The following SYN2 variants were observed in gnomAD, a reference collection of about 807,000 sequenced individuals.
SYN2 encodes synapsin-2.
Under a neutral mutation model 50.9 loss-of-function variants are expected in SYN2, and 19 were observed. That is an observed-to-expected ratio of 0.37 (90% CI 0.26 to 0.55). SYN2 has a LOEUF of 0.55. SYN2 is among the 20% of genes least tolerant of loss of function. SYN2 has a pLI of 0.81. For synonymous variants in SYN2, 255 were observed against 224.9 expected, an observed-to-expected ratio of 1.13 and a Z score of -1.20; for missense variants, 587 against 576.4, an observed-to-expected ratio of 1.02 and a Z score of -0.19.
chr3:12,151,983 G>A (rs1697310567), intron 5 of SYN2, among the ~76,000 whole-genome samples: 2 of 152,140 alleles, frequency 1.3e-5, no homozygotes, highest in Admixed American at 1.3e-4. Context: ...CAGGGACCTG[G>A]AGCTCAAACT....
chr3:12,117,167 G>T (rs531352451), intron 1 of SYN2, among the ~76,000 whole-genome samples: 1 of 152,240 alleles, frequency 6.6e-6, no homozygotes, highest in African/African-American at 2.4e-5. Flanking sequence ...AGTGCAGTTG[G>T]TTACAACCCC....
intron 1 of SYN2, among the ~76,000 whole-genome samples, chr3:12,064,944 T>C (rs111750391): frequency 3.9e-4 from 60 of 152,276 alleles, no homozygotes; most frequent in African/African-American, 1.4e-3. Context: ...GTTATTCATA[T>C]AGCCAAAAAG....
At chr3:12,050,370 G>A (rs1341038547) in intron 1 of SYN2, among the ~76,000 whole-genome samples, 2 of 137,540 alleles carry the variant, frequency 1.5e-5, no homozygotes, top group East Asian at 2.2e-4. Flanking sequence ...TTTGGAGATA[G>A]AGTTTTGCTC....
At chr3:12,038,412 C>T (rs572058269) in intron 1 of SYN2, among the ~76,000 whole-genome samples, 2 of 151,930 alleles carry the variant, frequency 1.3e-5, no homozygotes, top group South Asian at 4.2e-4. Flanking sequence ...ACTTTGAGTC[C>T]TTTGAATTGC....
At chr3:12,062,131 G>C (rs1441117615) in intron 1 of SYN2, among the ~76,000 whole-genome samples, 1 of 151,980 alleles carries the variant, frequency 6.6e-6, no homozygotes, top group Non-Finnish European at 1.5e-5. Flanking sequence ...TTATTACATT[G>C]TAGTTATCCA....
Position 12,185,430 on chromosome 3 carries a change from G to T in SYN2, c.1370-1939G>T, listed in dbSNP as rs114454499. 3.1e-3 allele frequency: 3,098 copies of T among 985,790 alleles called. 71 individuals carry two copies. In the African/African-American group the frequency reaches 0.05, roughly 16 times the overall value. The allele number at this position is 985,790 out of a possible 1,614,324, so 61.1% of individuals were successfully genotyped here. A position where few individuals can be genotyped will look rare whatever the true frequency, so the allele number is the denominator to read the frequency against. ...GGTGGTGTCAGTCAAGGTCTTTCAG[G>T]TGGGGGAGAAATTGGTTAGGGCTCC... On this transcript the variant is annotated intron_variant, in intron 11 of 12. Coordinates refer to ENST00000621198, the MANE Select transcript of SYN2 (RefSeq NM_133625.6).
chr3:12,047,580 G>C (rs1469938608), intron 1 of SYN2, among the ~76,000 whole-genome samples: 1 of 152,108 alleles, frequency 6.6e-6, no homozygotes, highest in Non-Finnish European at 1.5e-5. Flanking sequence ...GTGGATACTT[G>C]AGCTCATTAA....
intron 1 of SYN2, among the ~76,000 whole-genome samples, chr3:12,087,919 A>T (rs1376586196): frequency 7.9e-6 from 1 of 127,358 alleles, no homozygotes; most frequent in African/African-American, 3.7e-5. Flanking sequence ...ACATCATATA[A>T]AAAAAAAACC....
intron 1 of SYN2, among the ~76,000 whole-genome samples, chr3:12,138,008 A>G (rs1337403398): frequency 1.3e-5 from 2 of 152,206 alleles, no homozygotes; most frequent in African/African-American, 4.8e-5. Flanking sequence ...CACACCCCAG[A>G]TTGTGATTCC....
At chr3:12,086,157 A>G (rs780074740) in intron 1 of SYN2, among the ~76,000 whole-genome samples, 4 of 152,146 alleles carry the variant, frequency 2.6e-5, no homozygotes, top group Non-Finnish European at 5.9e-5. Context: ...CCTAGAACCT[A>G]TTAAGATGAA....
At chr3:12,007,314 G>C (rs376629754) in intron 1 of SYN2, among the ~76,000 whole-genome samples, 1 of 152,272 alleles carries the variant, frequency 6.6e-6, no homozygotes, top group African/African-American at 2.4e-5. Flanking sequence ...CCCAGTTCAA[G>C]TCTAGTTCTT....
intron 1 of SYN2, among the ~76,000 whole-genome samples, chr3:12,088,435 AG>A (rs1695757320): frequency 6.6e-6 from 1 of 152,170 alleles, no homozygotes. Flanking sequence ...GTGAAGAAAA[AG>A]GGTGCACTAT....
chr3:12,069,836 T>C (rs1462269666), intron 1 of SYN2, among the ~76,000 whole-genome samples: 1 of 151,346 alleles, frequency 6.6e-6, no homozygotes, highest in South Asian at 2.1e-4. Context: ...AGACAGAGTC[T>C]CTTTCTGTCT....
chr3:12,156,764 C>T, intron 5 of SYN2: 1 of 1,439,906 alleles, frequency 6.9e-7, no homozygotes, highest in Non-Finnish European at 9.7e-7. Flanking sequence ...TTTCTCACTA[C>T]CTCCCCTAGG....
intron 11 of SYN2, among the ~76,000 whole-genome samples, chr3:12,186,976 A>C (rs957072650): frequency 6.6e-6 from 1 of 152,198 alleles, no homozygotes; most frequent in Non-Finnish European, 1.5e-5. Context: ...ACTCTCCTGC[A>C]TCTGCCATGT....
intron 1 of SYN2, among the ~76,000 whole-genome samples, chr3:12,047,818 T>C (rs73813109): frequency 0.092 from 14,073 of 152,146 alleles, 2,118 homozygotes; most frequent in African/African-American, 0.32. Flanking sequence ...TCTCATTAGT[T>C]GTTGGAGTTG....
intron 1 of SYN2, among the ~76,000 whole-genome samples, chr3:12,068,453 G>C (rs1695269196): frequency 1.3e-5 from 2 of 152,138 alleles, no homozygotes; most frequent in Admixed American, 6.5e-5. Context: ...CGAAATTTAT[G>C]ATGGTGAATC....
chr3:12,050,139 G>T (rs980556507), intron 1 of SYN2, among the ~76,000 whole-genome samples: 7 of 152,042 alleles, frequency 4.6e-5, no homozygotes, highest in Non-Finnish European at 1.0e-4. Flanking sequence ...GACCTCAGGC[G>T]ATTCACCCGC....
rs913817686 is a variant in SYN2 at position 12,191,019 on chromosome 3, G to A, written c.*394G>A. 3.5e-5 allele frequency: 35 copies of A among 999,354 alleles called. No homozygotes were observed. Among genetic ancestry groups the A allele is most frequent in the East Asian group, 1.1e-4 (1 of 9,102 alleles). The allele number at this position is 999,354 out of a possible 1,614,324, so 61.9% of individuals were successfully genotyped here. ...TCAGTTGCAGTGCTAAGCATGCCCC[G>A]CCCCCATTCAGTGATACCTGTTTGG... On this transcript the variant is annotated 3_prime_UTR_variant, in exon 13 of 13. Transcript: ENST00000621198.
Sources: gnomAD v4.1 joint callset for allele counts (sites outside exome capture counted in the v4.1 genomes callset) on GRCh38, gnomAD v4.1.1 for gene constraint, MANE v1.5 for transcripts, NCBI Gene and HGNC (gene_info 2026-07-23, HGNC 2026-07-21) for gene names.